Variants in AOAH observed in about 807,000 individuals in gnomAD.
AOAH encodes the protein acyloxyacyl hydrolase (neutrophil).
Under a neutral mutation model 92.2 loss-of-function variants are expected in AOAH, and 64 were observed. The observed-to-expected ratio is 0.69, with a 90% CI of 0.57 to 0.86. AOAH has a LOEUF of 0.86. Ranked by LOEUF, AOAH falls within the 40% of genes least tolerant of loss-of-function variation. AOAH has a pLI of 0.00. For missense variants in AOAH, 656 were observed against 694.6 expected, an observed-to-expected ratio of 0.94 and a Z score of 0.62; for synonymous variants, 263 against 254.5, an observed-to-expected ratio of 1.03 and a Z score of -0.32.
intron 16 of AOAH, among the ~76,000 whole-genome samples, chr7:36,539,695 T>G (rs1390408445): frequency 1.3e-5 from 2 of 152,182 alleles, no homozygotes; most frequent in African/African-American, 4.8e-5. Context: ...GAGCCTTGGT[T>G]TTTTTCATCT....
chr7:36,605,837 G>A lies in AOAH; in HGVS notation c.846+10543C>T, dbSNP rs575607934. Among the ~76,000 whole-genome samples, 319 of 152,232 alleles carry A rather than the reference G, an allele frequency of 2.1e-3. 1 individual carries two copies. Among genetic ancestry groups the A allele is most frequent in the African/African-American group, 7.2e-3 (301 of 41,536 alleles). On this transcript the variant is annotated intron_variant, in intron 11 of 20. Transcript: ENST00000617537. ...CTGTTCATGAACAGGGAAAGGAAAC[G>A]GAAGAACATTCTGTCTCTTGTGGCC...
intron 19 of AOAH, among the ~76,000 whole-genome samples, chr7:36,526,614 G>T (rs184698156): frequency 6.6e-6 from 1 of 152,320 alleles, no homozygotes; most frequent in East Asian, 1.9e-4. Flanking sequence ...TTGTTCTTCA[G>T]AATATCTGGA....
chr7:36,570,010 G>T (rs1361085540), intron 13 of AOAH, among the ~76,000 whole-genome samples: 2 of 151,946 alleles, frequency 1.3e-5, no homozygotes, highest in Admixed American at 6.6e-5. Context: ...TTTTATTGTG[G>T]TAAGAACACT....
chr7:36,618,920 A>G (rs1204413244), intron 9 of AOAH, among the ~76,000 whole-genome samples: 2 of 152,194 alleles, frequency 1.3e-5, no homozygotes, highest in African/African-American at 4.8e-5. Context: ...GAATTATCCA[A>G]CCCAAACATC....
intron 3 of AOAH, among the ~76,000 whole-genome samples, chr7:36,663,851 A>G (rs544398991): frequency 6.6e-6 from 1 of 152,280 alleles, no homozygotes; most frequent in Admixed American, 6.5e-5. Context: ...TGGTGAGACT[A>G]TATTTTGTTT....
At position 36,544,039 on chromosome 7, in the gene AOAH, C is replaced by T. The variant is rs919533812; in HGVS notation, c.1134-3548G>A. On this transcript the variant is annotated intron_variant, in intron 15 of 20. Coordinates refer to ENST00000617537, the MANE Select transcript of AOAH (RefSeq NM_001637.4). ...CTCGCTCACTGCAACCTCTGCCTCC[C>T]GGGTTCAAGTGATTCTCCTGCCCCA... Among the ~76,000 whole-genome samples, 7 of 149,144 alleles carry T rather than the reference C, an allele frequency of 4.7e-5. No individual in the cohort carries two copies. In the East Asian group the frequency reaches 6.0e-4, roughly 13 times the overall value.
Position 36,513,215 on chromosome 7 carries a change from TC to T in AOAH, c.*36del. ...GAATGAGTTTACCCAAGCCTCTGCCTCCCTGTGCTCCCCAGGGGTGCATGCT... is the reference window on the plus strand; with the variant it reads ...GAATGAGTTTACCCAAGCCTCTGCCTCCTGTGCTCCCCAGGGGTGCATGCT... On this transcript the variant is annotated 3_prime_UTR_variant, in exon 21 of 21. Transcript: ENST00000617537. 1 of 1,614,180 alleles carries T rather than the reference TC, an allele frequency of 6.2e-7. No individual in the cohort carries two copies. The highest frequency in any genetic ancestry group is 8.5e-7 in the Non-Finnish European group (1 of 1,180,032).
At chr7:36,633,698 C>T (rs1417665549) in intron 5 of AOAH, among the ~76,000 whole-genome samples, 2 of 152,012 alleles carry the variant, frequency 1.3e-5, no homozygotes, top group African/African-American at 2.4e-5. Flanking sequence ...GTGGGGAAGC[C>T]GTGGAGGTGT....
intron 20 of AOAH, among the ~76,000 whole-genome samples, chr7:36,518,766 G>A (rs1783958771): frequency 6.6e-6 from 1 of 152,206 alleles, no homozygotes; most frequent in South Asian, 2.1e-4. Flanking sequence ...AAAGCCAGAA[G>A]CGGTTTCAGA....
chr7:36,631,719 G>A (rs1793120580), intron 6 of AOAH, among the ~76,000 whole-genome samples: 2 of 152,200 alleles, frequency 1.3e-5, no homozygotes, highest in South Asian at 2.1e-4. Context: ...GCAGAGAGGG[G>A]CTGTTTCCAG....
chr7:36,514,115 C>T (rs746633833), intron 20 of AOAH, among the ~76,000 whole-genome samples: 1 of 152,056 alleles, frequency 6.6e-6, no homozygotes, highest in African/African-American at 2.4e-5. Flanking sequence ...CACCACCAAG[C>T]CCACAGGGAC....
intron 5 of AOAH, among the ~76,000 whole-genome samples, chr7:36,635,052 T>C (rs934597748): frequency 6.6e-6 from 1 of 152,162 alleles, no homozygotes; most frequent in Non-Finnish European, 1.5e-5. Flanking sequence ...AGACCACCCT[T>C]CTCTTACAAA....
At chr7:36,660,023 C>A (rs1376548972) in intron 3 of AOAH, among the ~76,000 whole-genome samples, 1 of 152,206 alleles carries the variant, frequency 6.6e-6, no homozygotes, top group Non-Finnish European at 1.5e-5. Context: ...TTCTTCTGGA[C>A]AATAAGTCTT....
At chr7:36,519,911 A>G (rs1784025279) in intron 20 of AOAH, among the ~76,000 whole-genome samples, 1 of 152,138 alleles carries the variant, frequency 6.6e-6, no homozygotes, top group African/African-American at 2.4e-5. Flanking sequence ...TTGAATTCTC[A>G]CTGCACTTGA....
Position 36,549,453 on chromosome 7 carries a change from C to G in AOAH, c.1044G>C (p.Lys348Asn). 1 of 1,597,338 alleles carries G rather than the reference C, an allele frequency of 6.3e-7. No individual in the cohort carries two copies. Among genetic ancestry groups the G allele is most frequent in the Non-Finnish European group, 8.5e-7 (1 of 1,170,098 alleles). Residue 348 changes from lysine to asparagine, a missense_variant, in exon 14 of 21, where the codon AAG (lysine) becomes AAC (asparagine). Coordinates refer to ENST00000617537, the MANE Select transcript of AOAH (RefSeq NM_001637.4). The stretch of plus-strand genomic sequence containing the variant: ...CTTCTGCTTACCTTTCTATAAATTT[C>G]TTCAGGTTTCGGGAAGATGCACCTG... ...SRNGASSRNLKKFIESLSRNK... is the reference protein window; with the variant it reads ...SRNGASSRNLNKFIESLSRNK...
intron 13 of AOAH, among the ~76,000 whole-genome samples, chr7:36,573,756 T>C (rs562125507): frequency 3.0e-4 from 46 of 152,210 alleles, no homozygotes; most frequent in African/African-American, 1.0e-3. Flanking sequence ...CTGACTGGGG[T>C]TCATGACAGA....
At chr7:36,580,215 T>TGAC (rs1788836376) in intron 12 of AOAH, among the ~76,000 whole-genome samples, 2 of 152,240 alleles carry the variant, frequency 1.3e-5, no homozygotes, top group African/African-American at 4.8e-5. Context: ...CCTACAACTA[T>TGAC]TGGGTCATCT....
At chr7:36,570,164 A>G (rs572291350) in intron 13 of AOAH, among the ~76,000 whole-genome samples, 4 of 152,000 alleles carry the variant, frequency 2.6e-5, no homozygotes, top group South Asian at 2.1e-4. Flanking sequence ...TCAGCTCCCT[A>G]TTTCCCTCCC....
At chr7:36,683,985 C>T (rs1401197991) in intron 2 of AOAH, among the ~76,000 whole-genome samples, 2 of 151,486 alleles carry the variant, frequency 1.3e-5, no homozygotes, top group Admixed American at 6.6e-5. Flanking sequence ...CAGAGCAAGA[C>T]TCTGTCTCAA....
Sources: allele counts gnomAD v4.1 joint callset (sites outside exome capture counted in the v4.1 genomes callset), GRCh38; gene constraint gnomAD v4.1.1; transcripts MANE v1.5; gene names NCBI Gene and HGNC (gene_info 2026-07-23, HGNC 2026-07-21).